Variants in PLCB4 observed in about 807,000 individuals in gnomAD.
The protein encoded by PLCB4 is phospholipase C beta 4, also known as 1-phosphatidylinositol 4,5-bisphosphate phosphodiesterase beta-4.
In PLCB4, 77 loss-of-function variants were observed where a neutral mutation model predicts 178.8. That is an observed-to-expected ratio of 0.43 (90% CI 0.36 to 0.52). The LOEUF is 0.52. PLCB4 is among the 20% of genes least tolerant of loss of function. The pLI is 0.00. For missense variants in PLCB4, 1,024 were observed against 1,453.4 expected (o/e 0.70, Z 4.80); for synonymous variants, 496 against 490.8 (o/e 1.01, Z -0.14).
chr20:9,131,628 C>T lies in PLCB4; in HGVS notation c.-79+35286C>T, dbSNP rs114590190. ...CTGATTTTTAATAAATCTGTTGGTT[C>T]GTAGTTCAAAAAGTCTGGGCAAAAG... On this transcript the variant is annotated intron_variant, in intron 2 of 39. Coordinates refer to ENST00000378473, the MANE Select transcript of PLCB4 (RefSeq NM_001377142.1). 3.6e-3 allele frequency among the ~76,000 whole-genome samples: 554 copies of T among 152,200 alleles called. 7 individuals carry two copies. The highest frequency in any genetic ancestry group is 0.012 in the African/African-American group (511 of 41,530).
intron 3 of PLCB4, among the ~76,000 whole-genome samples, chr20:9,302,509 CA>C (rs781061934): frequency 5.9e-5 from 9 of 152,112 alleles, no homozygotes; most frequent in Non-Finnish European, 1.0e-4. Flanking sequence ...CAGCCTCGAC[CA>C]CAGCCACCAG....
At chr20:9,187,676 A>T (rs2093348031) in intron 2 of PLCB4, among the ~76,000 whole-genome samples, 1 of 152,208 alleles carries the variant, frequency 6.6e-6, no homozygotes, top group African/African-American at 2.4e-5. Flanking sequence ...ATTTTTAAAC[A>T]TTCTGTCCTT....
rs1568592739 is a variant in PLCB4 at position 9,327,283 on chromosome 20, A to AT, written c.85-9843_85-9842insT. Among the ~76,000 whole-genome samples the AT allele has an allele frequency of 2.9e-3, 389 of 133,230 alleles. 2 individuals are homozygous for AT. The highest frequency in any genetic ancestry group is 0.014 in the African/African-American group (369 of 26,404). 87.4% of individuals were successfully genotyped at this position (133,230 alleles called of 152,430 possible). On this transcript the variant is annotated intron_variant, in intron 4 of 39. Transcript: ENST00000378473. ...GCGAAACTCTGTCTCTACAAAAAAA[A>AT]ATTTTTTTTTTTAATTAGCCAGCCA...
At chr20:9,161,122 CATT>C (rs533678418) in intron 2 of PLCB4, among the ~76,000 whole-genome samples, 68 of 152,256 alleles carry the variant, frequency 4.5e-4, no homozygotes, top group African/African-American at 1.5e-3. Context: ...AGATAGATAT[CATT>C]ATCCCAATTT....
At chr20:9,155,216 C>T (rs1040914882) in intron 2 of PLCB4, among the ~76,000 whole-genome samples, 1 of 150,960 alleles carries the variant, frequency 6.6e-6, no homozygotes, top group African/African-American at 2.4e-5. Context: ...ATTTTCCACT[C>T]CTGTGTTACT....
In PLCB4 at chr20:9,134,045, C is replaced by T. The variant is rs1217019434; in HGVS notation, c.-79+37703C>T. ...CTGGTTCAAGGCACTGTCTTTTGCC[C>T]CAAGGCGGCATTAACATTAATTTAG... On this transcript the variant is annotated intron_variant, in intron 2 of 39. Transcript: ENST00000378473. Among the ~76,000 whole-genome samples, 5 of 152,156 alleles carry T rather than the reference C, an allele frequency of 3.3e-5. No individual in the cohort carries two copies. In the East Asian group the frequency reaches 9.6e-4, roughly 29 times the overall value.
chr20:9,299,243 A>G (rs1236432614), intron 3 of PLCB4, among the ~76,000 whole-genome samples: 1 of 152,038 alleles, frequency 6.6e-6, no homozygotes, highest in Non-Finnish European at 1.5e-5. Flanking sequence ...TTATTTTAAG[A>G]CTAATTTATA....
chr20:9,434,404 C>G (rs1280022164), intron 28 of PLCB4, among the ~76,000 whole-genome samples: 1 of 152,092 alleles, frequency 6.6e-6, no homozygotes, highest in Non-Finnish European at 1.5e-5. Context: ...GAGACGGAGT[C>G]TCACTCTGTC....
intron 25 of PLCB4, among the ~76,000 whole-genome samples, chr20:9,413,228 C>T (rs571343151): frequency 3.6e-4 from 55 of 152,108 alleles, no homozygotes; most frequent in Admixed American, 1.3e-3. Context: ...CCCACCTCAG[C>T]GATCACACCT....
At chr20:9,136,528 A>G (rs774872444) in intron 2 of PLCB4, among the ~76,000 whole-genome samples, 2 of 152,052 alleles carry the variant, frequency 1.3e-5, no homozygotes, top group Non-Finnish European at 2.9e-5. Flanking sequence ...TACTCCTTGC[A>G]CTTGTAGCTG....
At chr20:9,208,810 G>A (rs2093642079) in intron 2 of PLCB4, among the ~76,000 whole-genome samples, 1 of 152,074 alleles carries the variant, frequency 6.6e-6, no homozygotes, top group Non-Finnish European at 1.5e-5. Flanking sequence ...CAAAGTGTTG[G>A]GATTACAGGC....
At chr20:9,415,021 G>C (rs180824713) in intron 25 of PLCB4, among the ~76,000 whole-genome samples, 2 of 152,278 alleles carry the variant, frequency 1.3e-5, no homozygotes, top group East Asian at 1.9e-4. Context: ...TTGCATACCT[G>C]TGATAAAGTT....
intron 19 of PLCB4, 91 bp downstream of exon 19, chr20:9,395,709 A>C: frequency 1.1e-6 from 1 of 895,890 alleles, no homozygotes; most frequent in Non-Finnish European, 1.7e-6. Flanking sequence ...CAAGCCCATA[A>C]TCCCAGCACT....
chr20:9,072,628 C>A (rs2146465023), intron 1 of PLCB4, among the ~76,000 whole-genome samples: 1 of 152,138 alleles, frequency 6.6e-6, no homozygotes, highest in African/African-American at 2.4e-5. Flanking sequence ...AGGCCCACTT[C>A]ACTCCTTTGC....
chr20:9,328,988 T>TC (rs1178156181), intron 4 of PLCB4, among the ~76,000 whole-genome samples: 1 of 152,228 alleles, frequency 6.6e-6, no homozygotes, highest in African/African-American at 2.4e-5. Context: ...GGATGAAAGA[T>TC]CGGTTGGAGG....
intron 3 of PLCB4, among the ~76,000 whole-genome samples, chr20:9,276,283 G>A (rs1336682260): frequency 6.6e-6 from 1 of 152,046 alleles, no homozygotes; most frequent in Non-Finnish European, 1.5e-5. Flanking sequence ...GTAGCTAGAA[G>A]GACGAAATCA....
At chr20:9,282,693 C>G (rs742278) in intron 3 of PLCB4, among the ~76,000 whole-genome samples, 1 of 151,910 alleles carries the variant, frequency 6.6e-6, no homozygotes, top group Non-Finnish European at 1.5e-5. Context: ...TCAAATTTTG[C>G]AGAATTTTTT....
At chr20:9,463,179 G>T (rs191253486) in intron 35 of PLCB4, among the ~76,000 whole-genome samples, 4 of 152,210 alleles carry the variant, frequency 2.6e-5, no homozygotes, top group African/African-American at 9.6e-5. Flanking sequence ...CTTCATAAGT[G>T]AAGGAGAAAT....
chr20:9,119,793 T>G (rs6086782), intron 2 of PLCB4, among the ~76,000 whole-genome samples: 54,046 of 152,136 alleles, frequency 0.36, 11,846 homozygotes, highest in Middle Eastern at 0.5. Flanking sequence ...ATAACTCATC[T>G]TGTAATGTTT....
Sources: gnomAD v4.1 joint callset for allele counts (sites outside exome capture counted in the v4.1 genomes callset) on GRCh38, gnomAD v4.1.1 for gene constraint, MANE v1.5 for transcripts, NCBI Gene and HGNC (gene_info 2026-07-23, HGNC 2026-07-21) for gene names.